PCDHGA3: variants seen among roughly 807,000 people sequenced by gnomAD.
PCDHGA3 encodes protocadherin gamma subfamily A, 3.
PCDHGA3 carries 40 observed loss-of-function variants against 58.5 expected under a neutral mutation model. That is an observed-to-expected ratio of 0.68 (90% CI 0.53 to 0.89). PCDHGA3 has a LOEUF of 0.89. PCDHGA3 is among the 40% of genes least tolerant of loss of function. The pLI is 0.00. For synonymous variants in PCDHGA3, 530 were observed against 525.7 expected (o/e 1.01, Z -0.11); for missense variants, 1,223 against 1,195.9 (o/e 1.02, Z -0.33).
chr5:141,375,820 C>T (rs62378422), intron 1 of PCDHGA3: 145,173 of 1,614,058 alleles, frequency 0.09, 7,179 homozygotes, highest in African/African-American at 0.18. Context: ...AGCTGGCGCC[C>T]CGCTCCGCAG....
At chr5:141,388,764 T>A in intron 1 of PCDHGA3, 1 of 1,613,990 alleles carries the variant, frequency 6.2e-7, no homozygotes. Flanking sequence ...TGACCTGAAC[T>A]CTAACACCGG....
At chr5:141,356,892 C>T in intron 1 of PCDHGA3, 5 of 1,614,200 alleles carry the variant, frequency 3.1e-6, no homozygotes, top group Non-Finnish European at 4.2e-6. Flanking sequence ...AGATCCTGTA[C>T]CCCACCTTCC....
intron 1 of PCDHGA3, chr5:141,419,150 C>T (rs1276109093): frequency 1.2e-6 from 2 of 1,613,850 alleles, no homozygotes; most frequent in Admixed American, 3.3e-5. Flanking sequence ...GGGCAAGCCT[C>T]CGTTATCCTC....
At chr5:141,479,241 G>T (rs2099490987) in intron 1 of PCDHGA3, 1 of 152,174 alleles carries the variant, frequency 6.6e-6, no homozygotes, top group Admixed American at 6.5e-5. Context: ...CAAACCCAAA[G>T]ATAACCATTT....
At chr5:141,450,627 C>T (rs947866993) in intron 1 of PCDHGA3, among the ~76,000 whole-genome samples, 13 of 151,592 alleles carry the variant, frequency 8.6e-5, no homozygotes, top group African/African-American at 3.2e-4. Context: ...GCTGGGATTA[C>T]AGATGCCTGC....
chr5:141,485,151 T>G lies in PCDHGA3; in HGVS notation c.2425-9656T>G. The G allele has an allele frequency of 2.5e-6, 4 of 1,584,876 alleles. No individual in the cohort carries two copies. Among genetic ancestry groups the G allele is most frequent in the Non-Finnish European group, 3.5e-6 (4 of 1,156,528 alleles). ...GCTTCATCCGCGTCTCAGGAGCAAG[T>G]AGAGAATTAGCGGGCGGCAGCAATG... On this transcript the variant is annotated intron_variant, in intron 1 of 3. Coordinates refer to ENST00000253812, the MANE Select transcript of PCDHGA3 (RefSeq NM_018916.4). The surrounding 1 kb of genome is among the most constrained non-coding windows in gnomAD (Gnocchi z 5.7).
chr5:141,423,804 T>C (rs571396807), intron 1 of PCDHGA3: 50 of 1,240,508 alleles, frequency 4.0e-5, no homozygotes, highest in African/African-American at 2.7e-4. Flanking sequence ...GAGCAATACA[T>C]GTGAGTTTTA....
intron 1 of PCDHGA3, chr5:141,365,865 G>A (rs1444429243): frequency 1.9e-6 from 3 of 1,614,056 alleles, no homozygotes; most frequent in Non-Finnish European, 2.5e-6. Context: ...TCTGACACCG[G>A]TGTCCTGTAT....
Position 141,346,603 on chromosome 5 carries a change from C to T in PCDHGA3, c.2424+146C>T, listed in dbSNP as rs577224042. On this transcript the variant is annotated intron_variant, in intron 1 of 3. Coordinates refer to ENST00000253812, the MANE Select transcript of PCDHGA3 (RefSeq NM_018916.4). ...ATATTTGTCCCCCTTTCTTTCTGGGCCTATAGTAGGACTGCACTCCCCGGT... is the reference window on the plus strand; with the variant it reads ...ATATTTGTCCCCCTTTCTTTCTGGGTCTATAGTAGGACTGCACTCCCCGGT... The T allele has an allele frequency of 1.1e-4, 142 of 1,250,570 alleles. No homozygotes were observed. The East Asian group carries it at 3.5e-3, about 31-fold the overall frequency. 77.5% of individuals were successfully genotyped at this position (1,250,570 alleles called of 1,614,324 possible).
chr5:141,394,347 G>A lies in PCDHGA3; in HGVS notation c.2424+47890G>A, dbSNP rs770737407. 1.9e-6 allele frequency: 3 copies of A among 1,614,118 alleles called. No homozygotes were observed. The South Asian group carries it at 3.3e-5, about 18-fold the overall frequency. On this transcript the variant is annotated intron_variant, in intron 1 of 3. Coordinates refer to ENST00000253812, the MANE Select transcript of PCDHGA3 (RefSeq NM_018916.4). ...GTATATCTCCATCAACTCTGACACC[G>A]GTGTCCTGTATGCGCTGCAATCTTT...
chr5:141,399,055 G>A (rs372997829), intron 1 of PCDHGA3: 3 of 1,613,726 alleles, frequency 1.9e-6, no homozygotes, highest in African/African-American at 2.7e-5. Context: ...AGAGACCAAG[G>A]AATATTCAAT....
intron 1 of PCDHGA3, chr5:141,393,501 G>A (rs754946327): frequency 1.2e-6 from 2 of 1,614,044 alleles, no homozygotes; most frequent in Non-Finnish European, 1.7e-6. Flanking sequence ...GCGCATCCAC[G>A]TGACAGTGTT....
intron 1 of PCDHGA3, chr5:141,413,180 C>T: frequency 6.2e-7 from 1 of 1,602,612 alleles, no homozygotes; most frequent in Non-Finnish European, 8.5e-7. Flanking sequence ...ACTACAATGG[C>T]CGCTCAAAGG....
At chr5:141,503,116 A>G (rs1303445673) in intron 2 of PCDHGA3, among the ~76,000 whole-genome samples, 11 of 151,656 alleles carry the variant, frequency 7.3e-5, no homozygotes, top group Admixed American at 4.6e-4. Flanking sequence ...GCCTCTCTTC[A>G]TACCCTCTGG....
In PCDHGA3 at chr5:141,354,828, AC is replaced by A. The variant is rs538723312; in HGVS notation, c.2424+8372del. ...TTCATAAAGTTTATTGTACAGGAAGACTTGGATCATTCTTGAATTTTCATTG... is the reference window on the plus strand; with the variant it reads ...TTCATAAAGTTTATTGTACAGGAAGATTGGATCATTCTTGAATTTTCATTG... On this transcript the variant is annotated intron_variant, in intron 1 of 3. Transcript: ENST00000253812. Among the ~76,000 whole-genome samples the A allele has an allele frequency of 1.0e-3, 152 of 152,348 alleles. 1 individual carries two copies. The highest frequency in any genetic ancestry group is 3.3e-3 in the African/African-American group (137 of 41,574).
At chr5:141,422,888 T>C in intron 1 of PCDHGA3, 2 of 1,614,262 alleles carry the variant, frequency 1.2e-6, no homozygotes, top group South Asian at 2.2e-5. Flanking sequence ...CTGTTCGTGC[T>C]GGACCAGAAC....
intron 3 of PCDHGA3, among the ~76,000 whole-genome samples, chr5:141,509,211 C>T (rs962706371): frequency 2.0e-5 from 3 of 152,180 alleles, no homozygotes; most frequent in African/African-American, 4.8e-5. Context: ...CTCTCTATTT[C>T]TCAATCCCTG....
In PCDHGA3 at chr5:141,346,118, G is replaced by A. The variant is rs772020580; in HGVS notation, c.2085G>A (p.Val695=). ...NDSDLTLYLV[V]AVAAVSCVFL... ...CGGACCTCACTCTGTACCTGGTGGT[G>A]GCGGTGGCCGCGGTCTCCTGCGTCT... Residue 695 remains valine (V), a synonymous_variant, in exon 1 of 4, where the codon GTG becomes GTA. Transcript: ENST00000253812. 19 of 1,613,796 alleles carry A rather than the reference G, an allele frequency of 1.2e-5. No individual in the cohort carries two copies. In the South Asian group the frequency reaches 1.3e-4, roughly 11 times the overall value.
chr5:141,476,772 G>A lies in PCDHGA3; in HGVS notation c.2425-18035G>A. 1 of 1,613,650 alleles carries A rather than the reference G, an allele frequency of 6.2e-7. No homozygotes were observed. Among genetic ancestry groups the A allele is most frequent in the South Asian group, 1.1e-5 (1 of 91,086 alleles). ...CAGTTAGTGCTGACGGCGTTGGACG[G>A]AGGGACCCCAGCTCTCTCCGCCAGC... is the stretch of plus-strand genomic sequence containing the variant. On this transcript the variant is annotated intron_variant, in intron 1 of 3. Coordinates refer to ENST00000253812, the MANE Select transcript of PCDHGA3 (RefSeq NM_018916.4). The surrounding 1 kb of genome is among the most constrained non-coding windows in gnomAD (Gnocchi z 7.6).
Sources: allele counts gnomAD v4.1 joint callset (sites outside exome capture counted in the v4.1 genomes callset), GRCh38; gene constraint gnomAD v4.1.1; non-coding constraint Gnocchi (gnomAD v3.1); transcripts MANE v1.5; gene names NCBI Gene and HGNC (gene_info 2026-07-23, HGNC 2026-07-21).